ACACB: variants seen among roughly 807,000 people sequenced by gnomAD.
ACACB encodes the protein acetyl-CoA carboxylase 2.
In ACACB, 209 loss-of-function variants were observed where a neutral mutation model predicts 278.8. The observed-to-expected ratio is 0.75, with a 90% CI of 0.67 to 0.84. ACACB has a LOEUF of 0.84. Ranked by LOEUF, ACACB falls within the 40% of genes least tolerant of loss-of-function variation. The pLI, the probability that ACACB is intolerant of heterozygous loss-of-function variation, is 0.00. For synonymous variants in ACACB, 1,174 were observed against 1,285.6 expected, an observed-to-expected ratio of 0.91 and a Z score of 1.86; for missense variants, 2,850 against 3,269.0, an observed-to-expected ratio of 0.87 and a Z score of 3.13.
At chr12:109,224,047 C>G (rs1311882149) in intron 27 of ACACB, 143 bp downstream of exon 27, 2 of 752,772 alleles carry the variant, frequency 2.7e-6, no homozygotes, top group Non-Finnish European at 4.6e-6. Flanking sequence ...GTTAATAGTC[C>G]CATCTTACAG....
rs781468323 is a variant in ACACB at position 109,209,248 on chromosome 12, C to T, written c.3144C>T (p.Ser1048=). 8.1e-6 allele frequency: 13 copies of T among 1,611,082 alleles called. No individual in the cohort carries two copies. The highest frequency in any genetic ancestry group is 1.7e-4 in the Middle Eastern group (1 of 5,928). The part of the protein sequence containing the change: ...PLLELQEIMT[S]VAGRIPAPVE... ...TGGAGCTGCAGGAGATCATGACCAG[C>T]GTGGCAGGCCGCATCCCCGCCCCTG... The change falls in exon 21 of 53, where the codon AGC becomes AGT. Residue 1048 remains serine (S), a synonymous_variant. Coordinates refer to ENST00000338432, the MANE Select transcript of ACACB (RefSeq NM_001093.4).
rs769333737 is a variant in ACACB at position 109,209,147 on chromosome 12, C to T, written c.3061-18C>T. The T allele has an allele frequency of 1.9e-6, 3 of 1,577,168 alleles. 1 individual carries two copies. The highest frequency in any genetic ancestry group is 2.6e-6 in the Non-Finnish European group (3 of 1,161,438). ...GCCCATGCAGGGCTGGGGGCTGATGCTGTGGTCCCCGCTTCAGCTGAAGGA... is the reference window on the plus strand; with the variant it reads ...GCCCATGCAGGGCTGGGGGCTGATGTTGTGGTCCCCGCTTCAGCTGAAGGA... On this transcript the variant is annotated intron_variant, in intron 20 of 52. Transcript: ENST00000338432.
Position 109,180,088 on chromosome 12 carries a change from G to A in ACACB, c.1818+1G>A, listed in dbSNP as rs1471774825. The A allele has an allele frequency of 1.9e-6, 3 of 1,609,696 alleles. No homozygotes were observed. Among genetic ancestry groups the A allele is most frequent in the Non-Finnish European group, 1.7e-6 (2 of 1,177,836 alleles). On this transcript the variant is annotated splice_donor_variant, in intron 11 of 52. Coordinates refer to ENST00000338432, the MANE Select transcript of ACACB (RefSeq NM_001093.4). LOFTEE classifies it high-confidence loss of function. ...TAATCTGCCGGCCGCCCAGCTACAG[G>A]TGAGAAAATGGGCTTGGGGCCCTGG... is the stretch of plus-strand genomic sequence containing the variant.
chr12:109,140,136 C>G lies in ACACB; in HGVS notation c.653+78C>G. 9 of 1,435,368 alleles carry G rather than the reference C, an allele frequency of 6.3e-6. No homozygotes were observed. In the South Asian group the frequency reaches 1.2e-4, roughly 19 times the overall value. 88.9% of individuals were successfully genotyped at this position (1,435,368 alleles called of 1,614,324 possible). On this transcript the variant is annotated intron_variant, in intron 2 of 52. Transcript: ENST00000338432. ...CACACCCTTCCCAACCTGTGCCCAC[C>G]TTGATCAAGCTGTTTGCTGATGCCA...
intron 1 of ACACB, among the ~76,000 whole-genome samples, chr12:109,138,586 C>T (rs529083156): frequency 3.3e-5 from 5 of 150,398 alleles, no homozygotes; most frequent in South Asian, 2.1e-4. Context: ...AAAAAAATAA[C>T]AGCTTTGGCT....
chr12:109,185,496 G>A (rs1252795451), intron 11 of ACACB, 83 bp from the exon 12 acceptor site: 22 of 1,472,286 alleles, frequency 1.5e-5, no homozygotes, highest in South Asian at 9.2e-5. Context: ...CTGAACCTCC[G>A]TTGCATCTAC....
intron 4 of ACACB, among the ~76,000 whole-genome samples, chr12:109,168,876 C>G (rs778962903): frequency 6.6e-6 from 1 of 152,062 alleles, no homozygotes; most frequent in Admixed American, 6.6e-5. Context: ...CAGTGGCTCA[C>G]GCCTGTAATC....
At chr12:109,165,408 C>G (rs984752853) in intron 2 of ACACB, among the ~76,000 whole-genome samples, 1 of 152,042 alleles carries the variant, frequency 6.6e-6, no homozygotes, top group Non-Finnish European at 1.5e-5. Context: ...AGGCTGGTCT[C>G]GAACTCCTGG....
At position 109,266,255 on chromosome 12, in the gene ACACB, G is replaced by A. The variant is rs775802513; in HGVS notation, c.7270G>A (p.Glu2424Lys). ...CCACAGCCTGGTTGAAGAAAACCCC[G>A]AGGTGGCCGTGGACTGTGTGATATA... ...TIRGLVEENPEVAVDCVIYLS... is the reference protein window; with the variant it reads ...TIRGLVEENPKVAVDCVIYLS... The change falls in exon 53 of 53, where the codon GAG becomes AAG. Residue 2424 changes from glutamate (E) to lysine (K), a missense_variant. By Grantham distance (56) the Glu-to-Lys change is moderately conservative (BLOSUM62 1). Transcript: ENST00000338432. The A allele has an allele frequency of 2.7e-5, 44 of 1,612,816 alleles. No individual in the cohort carries two copies. The highest frequency in any genetic ancestry group is 5.0e-5 in the Admixed American group (3 of 59,890).
chr12:109,211,342 CTTT>C (rs35008047), intron 21 of ACACB, among the ~76,000 whole-genome samples: 24 of 109,954 alleles, frequency 2.2e-4, no homozygotes, highest in African/African-American at 8.7e-4. Context: ...TGTGATTCCT[CTTT>C]TTTTTTTTTT....
chr12:109,127,860 A>G (rs2042719515), intron 1 of ACACB, among the ~76,000 whole-genome samples: 1 of 152,170 alleles, frequency 6.6e-6, no homozygotes, highest in Non-Finnish European at 1.5e-5. Context: ...CTCCACTGCC[A>G]GCTAAAAGTT....
At chr12:109,186,579 A>C (rs1019522448) in intron 12 of ACACB, among the ~76,000 whole-genome samples, 10 of 152,272 alleles carry the variant, frequency 6.6e-5, no homozygotes, top group Admixed American at 4.6e-4. Flanking sequence ...GGCATCCCTT[A>C]CAGTTTACAT....
chr12:109,222,610 G>C lies in ACACB; in HGVS notation c.3668G>C (p.Arg1223Thr), dbSNP rs373323478. The C allele has an allele frequency of 6.2e-7, 1 of 1,614,012 alleles. No homozygotes were observed. Among genetic ancestry groups the C allele is most frequent in the African/African-American group, 1.3e-5 (1 of 74,922 alleles). ...AGCGAGCACTGCAAAGTGGCCCTCA[G>C]AGCCCGGCAGGTAGGGTCTCAGGGT... ...SKSEHCKVAL[R>T]ARQILIASHL... Residue 1223 changes from arginine (R) to threonine (T), a missense_variant, in exon 25 of 53, where the codon AGA becomes ACA. Arg to Thr is a moderately conservative substitution (Grantham distance 71). This residue lies in a region of ACACB where 2,265 missense variants were observed against 2,561.3 expected (regional missense o/e 0.88). Coordinates refer to ENST00000338432, the MANE Select transcript of ACACB (RefSeq NM_001093.4).
intron 1 of ACACB, chr12:109,131,238 T>G (rs2042817801): frequency 6.6e-6 from 1 of 152,542 alleles, no homozygotes; most frequent in African/African-American, 2.4e-5. Flanking sequence ...CATGCTGCAC[T>G]GCCAACTTGG....
chr12:109,135,537 A>G (rs911653773), intron 1 of ACACB, among the ~76,000 whole-genome samples: 1 of 151,542 alleles, frequency 6.6e-6, no homozygotes, highest in African/African-American at 2.4e-5. Flanking sequence ...AGTCCAATTT[A>G]CCTATTTTTT....
rs1004429545 is a variant in ACACB at position 109,266,473 on chromosome 12, T to C, written c.*111T>C. 2.2e-5 allele frequency: 30 copies of C among 1,345,476 alleles called. No homozygotes were observed. Among genetic ancestry groups the C allele is most frequent in the Non-Finnish European group, 2.5e-5 (26 of 1,022,930 alleles). 83.3% of individuals were successfully genotyped at this position (1,345,476 alleles called of 1,614,324 possible). A position where few individuals can be genotyped will look rare whatever the true frequency, so the allele number is the denominator to read the frequency against. ...ACTTGCTTTTAAACAAAGAAAATCC[T>C]GGGCACTTCTGCAGGGCTGCTGGTT... On this transcript the variant is annotated 3_prime_UTR_variant, in exon 53 of 53. Coordinates refer to ENST00000338432, the MANE Select transcript of ACACB (RefSeq NM_001093.4).
intron 1 of ACACB, among the ~76,000 whole-genome samples, chr12:109,135,662 G>A (rs143270908): frequency 6.6e-6 from 1 of 151,970 alleles, no homozygotes; most frequent in African/African-American, 2.4e-5. Flanking sequence ...CTTCTAAGAG[G>A]TTTGTGGTTT....
upstream of ACACB, among the ~76,000 whole-genome samples, chr12:109,114,818 C>T (rs536610995): frequency 1.4e-4 from 21 of 152,156 alleles, no homozygotes; most frequent in Non-Finnish European, 2.6e-4. Context: ...TGCCACTGCA[C>T]TCCATCCAGC....
intron 6 of ACACB, among the ~76,000 whole-genome samples, chr12:109,173,490 T>C (rs920830334): frequency 1.1e-4 from 16 of 152,236 alleles, no homozygotes; most frequent in Admixed American, 9.8e-4. Context: ...GTCTGTGGAC[T>C]CTGAGTACAT....
Sources: gnomAD v4.1 joint callset for allele counts (sites outside exome capture counted in the v4.1 genomes callset) on GRCh38, gnomAD v4.1.1 for gene constraint, gnomAD v4.1.1 regional missense constraint, MANE v1.5 for transcripts, NCBI Gene and HGNC (gene_info 2026-07-23, HGNC 2026-07-21) for gene names.